The following TDRD7 variants were observed in gnomAD, a reference collection of about 807,000 sequenced individuals.
TDRD7 encodes tudor domain containing 7, also known as tudor domain-containing protein 7.
A neutral mutation model predicts 109.8 loss-of-function variants in TDRD7; 47 were observed. That is an observed-to-expected ratio of 0.43 (90% confidence interval 0.34 to 0.55). TDRD7 has a LOEUF of 0.55. TDRD7 is among the 20% of genes least tolerant of loss of function. The pLI, the probability that TDRD7 is intolerant of heterozygous loss-of-function variation, is 0.03. For missense variants in TDRD7, 1,164 were observed against 1,319.2 expected (o/e 0.88, Z 1.82); for synonymous variants, 424 against 457.3 (o/e 0.93, Z 0.93).
intron 7 of TDRD7, among the ~76,000 whole-genome samples, chr9:97,463,244 C>CA (rs113565279): frequency 0.067 from 9,910 of 148,998 alleles, 581 homozygotes; most frequent in African/African-American, 0.16. Flanking sequence ...AACCCTGTCT[C>CA]AAAAAAAAAA....
chr9:97,432,347 A>G (rs928460197), intron 4 of TDRD7, 109 bp downstream of exon 4: 7 of 977,292 alleles, frequency 7.2e-6, no homozygotes, highest in Admixed American at 1.9e-5. Context: ...AAGTTCACAT[A>G]TAGTAGAGAC....
In TDRD7 at chr9:97,460,663, C is replaced by T. The variant is rs143511562; in HGVS notation, c.1341C>T (p.Thr447=). The change falls in exon 7 of 17, where the codon ACC becomes ACT. Residue 447 remains threonine, a synonymous_variant. Transcript: ENST00000355295. Reference sequence around the variant, plus strand: ...AAAGCATTGCTGAAAGTGCTAATACCTTTATGGAGGACATAACAGTTCCTC... The same window carrying T: ...AAAGCATTGCTGAAAGTGCTAATACTTTTATGGAGGACATAACAGTTCCTC... ...VEESIAESAN[T]FMEDITVPPL... is the part of the protein sequence containing the mutation. The T allele has an allele frequency of 6.3e-5, 101 of 1,614,088 alleles. No individual in the cohort carries two copies. The African/African-American group carries it at 1.2e-3, about 20-fold the overall frequency.
chr9:97,457,385 TA>T (rs1277447399), intron 6 of TDRD7, among the ~76,000 whole-genome samples: 4 of 151,828 alleles, frequency 2.6e-5, no homozygotes, highest in Admixed American at 6.6e-5. Context: ...AATATATATA[TA>T]TTTTTTTTTT....
Position 97,462,635 on chromosome 9 carries a change from A to G in TDRD7, c.1442+1871A>G, listed in dbSNP as rs189939452. ...CCTTGTCTCAGAAATTAACTTTGTAAAACTTTGTATTTAGGGCATCTCTAA... is the reference window on the plus strand; with the variant it reads ...CCTTGTCTCAGAAATTAACTTTGTAGAACTTTGTATTTAGGGCATCTCTAA... On this transcript the variant is annotated intron_variant, in intron 7 of 16. Coordinates refer to ENST00000355295, the MANE Select transcript of TDRD7 (RefSeq NM_014290.3). 8.8e-4 allele frequency among the ~76,000 whole-genome samples: 134 copies of G among 152,308 alleles called. 1 individual carries two copies. The highest frequency in any genetic ancestry group is 2.5e-3 in the Admixed American group (38 of 15,296).
intron 13 of TDRD7, chr9:97,480,286 G>A (rs1359311182): frequency 6.0e-6 from 1 of 166,774 alleles, no homozygotes; most frequent in African/African-American, 2.4e-5. Context: ...TTAGGGACCT[G>A]TGGATTTCAG....
intron 6 of TDRD7, among the ~76,000 whole-genome samples, chr9:97,448,265 G>C (rs992672030): frequency 5.9e-5 from 9 of 152,316 alleles, no homozygotes; most frequent in African/African-American, 2.2e-4. Context: ...GTGGTTGTAG[G>C]TGATATGGAA....
chr9:97,428,400 C>A (rs944285032), intron 1 of TDRD7, 60 bp from the exon 2 acceptor site: 12 of 1,521,314 alleles, frequency 7.9e-6, no homozygotes, highest in Non-Finnish European at 1.1e-5. Context: ...CTCTGAAAAT[C>A]TATTTGAATT....
In TDRD7 at chr9:97,428,538, C is replaced by T; in HGVS notation, c.73C>T (p.Pro25Ser). 6.2e-7 allele frequency: 1 copy of T among 1,614,064 alleles called. No individual in the cohort carries two copies. Among genetic ancestry groups the T allele is most frequent in the Non-Finnish European group, 8.5e-7 (1 of 1,179,964 alleles). Reference protein sequence around the residue: ...LQSHKNGVALPRLQGEYRSLT... With the variant: ...LQSHKNGVALSRLQGEYRSLT... Reference sequence around the variant, plus strand: ...GTCTCATAAGAATGGAGTAGCATTACCCCGGCTCCAAGGAGAGTACAGATC... The same window carrying T: ...GTCTCATAAGAATGGAGTAGCATTATCCCGGCTCCAAGGAGAGTACAGATC... Residue 25 changes from proline to serine, a missense_variant, in exon 2 of 17, where the codon CCC becomes TCC. Around this residue, in one of 5 missense-constraint regions of TDRD7, gnomAD observed 101 missense variants for 148.5 expected, o/e 0.68. Transcript: ENST00000355295.
intron 8 of TDRD7, 68 bp from the exon 9 acceptor site, chr9:97,470,490 T>G: frequency 7.1e-7 from 1 of 1,401,154 alleles, no homozygotes; most frequent in Non-Finnish European, 1.0e-6. Flanking sequence ...TTGAGCCAAT[T>G]AAGTGTATCA....
chr9:97,495,290 GA>G (rs1249391426), intron 16 of TDRD7, among the ~76,000 whole-genome samples: 4 of 151,748 alleles, frequency 2.6e-5, no homozygotes, highest in Admixed American at 2.0e-4. Context: ...TGGTCCATCA[GA>G]AAAAAAATTT....
chr9:97,493,727 C>T lies in TDRD7; in HGVS notation c.3077-1936C>T, dbSNP rs188070376. ...TACAGCAGTGACCATAAAAGACGGC[C>T]GCACCCGAAGCGGCCATTTCAGAGG... On this transcript the variant is annotated intron_variant, in intron 16 of 16. Transcript: ENST00000355295. Among the ~76,000 whole-genome samples, 422 of 152,076 alleles carry T rather than the reference C, an allele frequency of 2.8e-3. 6 individuals carry two copies. The highest frequency in any genetic ancestry group is 9.9e-3 in the African/African-American group (410 of 41,476).
chr9:97,443,928 GT>G (rs1220497475), intron 6 of TDRD7, among the ~76,000 whole-genome samples: 1 of 151,940 alleles, frequency 6.6e-6, no homozygotes, highest in African/African-American at 2.4e-5. Flanking sequence ...TGTGTTTCTA[GT>G]TTTTTTATAT....
At chr9:97,455,459 C>G (rs776301086) in intron 6 of TDRD7, among the ~76,000 whole-genome samples, 9 of 152,178 alleles carry the variant, frequency 5.9e-5, no homozygotes, top group Non-Finnish European at 1.3e-4. Flanking sequence ...AGCAACACAT[C>G]AAAAAACTTA....
At chr9:97,413,147 A>T (rs1302883080) in intron 1 of TDRD7, among the ~76,000 whole-genome samples, 2 of 152,162 alleles carry the variant, frequency 1.3e-5, no homozygotes, top group Non-Finnish European at 2.9e-5. Flanking sequence ...TCTGCTCTCC[A>T]ATCGTGCCGG....
chr9:97,443,483 G>A (rs1246587184), intron 6 of TDRD7, among the ~76,000 whole-genome samples: 3 of 152,156 alleles, frequency 2.0e-5, no homozygotes, highest in Non-Finnish European at 4.4e-5. Context: ...GAAATTCCCA[G>A]GGTTACTTTT....
chr9:97,478,804 G>A (rs1829067278), intron 13 of TDRD7, among the ~76,000 whole-genome samples: 1 of 152,188 alleles, frequency 6.6e-6, no homozygotes, highest in South Asian at 2.1e-4. Context: ...AGAGCATCCA[G>A]TCATTAAGCT....
At chr9:97,463,436 C>T (rs1287568418) in intron 7 of TDRD7, among the ~76,000 whole-genome samples, 2 of 149,646 alleles carry the variant, frequency 1.3e-5, no homozygotes, top group Non-Finnish European at 3.0e-5. Context: ...CATCTTCTGC[C>T]CTGCTGATAA....
intron 10 of TDRD7, 117 bp downstream of exon 10, chr9:97,472,612 G>A (rs1242026526): frequency 4.4e-6 from 4 of 902,270 alleles, no homozygotes; most frequent in Non-Finnish European, 7.1e-6. Flanking sequence ...TACATTGAGG[G>A]GAAAAAAGGA....
At chr9:97,487,918 A>G (rs1014600898) in intron 16 of TDRD7, among the ~76,000 whole-genome samples, 2 of 152,314 alleles carry the variant, frequency 1.3e-5, no homozygotes, top group East Asian at 1.9e-4. Flanking sequence ...TTCCTGGGTC[A>G]TGGAATATAT....
Sources: allele counts gnomAD v4.1 joint callset (sites outside exome capture counted in the v4.1 genomes callset), GRCh38; gene constraint gnomAD v4.1.1; regional missense constraint gnomAD v4.1.1; transcripts MANE v1.5; gene names NCBI Gene and HGNC (gene_info 2026-07-23, HGNC 2026-07-21).